SUPT20H: variants seen among roughly 807,000 people sequenced by gnomAD.
The protein encoded by SUPT20H is SPT20 homolog, SAGA complex component.
SUPT20H carries 82 observed loss-of-function variants against 122.8 expected under a neutral mutation model. The observed-to-expected ratio is 0.67, with a 90% CI of 0.56 to 0.80. The LOEUF (loss-of-function observed/expected upper bound fraction) is 0.80, where lower values mean the gene tolerates loss of function less well. Among genes scored for constraint, SUPT20H ranks in the 30% least tolerant of loss-of-function variants. SUPT20H has a pLI of 0.00. For missense variants in SUPT20H, 831 were observed against 921.6 expected, an observed-to-expected ratio of 0.90 and a Z score of 1.27; for synonymous variants, 291 against 313.0, an observed-to-expected ratio of 0.93 and a Z score of 0.74.
intron 10 of SUPT20H, among the ~76,000 whole-genome samples, chr13:37,032,426 T>C (rs1433601601): frequency 1.3e-5 from 2 of 152,176 alleles, no homozygotes; most frequent in Non-Finnish European, 2.9e-5. Context: ...AAATCAACGA[T>C]TCTTCTTAGA....
chr13:37,025,313 AAC>A lies in SUPT20H; in HGVS notation c.1329+5_1329+6del, dbSNP rs1345940296. ...GGGCACAAAGAAGTAACATTAATGA[AAC>A]ACACATCTGTTTCTTTCCCTGGAGA... On this transcript the variant is annotated splice_donor_5th_base_variant and intron_variant, in intron 17 of 25. Coordinates refer to ENST00000350612, the MANE Select transcript of SUPT20H (RefSeq NM_001014286.3). 32 of 1,590,972 alleles carry A rather than the reference AAC, an allele frequency of 2.0e-5. No individual in the cohort carries two copies. The highest frequency in any genetic ancestry group is 2.6e-5 in the Non-Finnish European group (30 of 1,159,142).
chr13:37,045,896 T>C (rs2066326611), intron 5 of SUPT20H, among the ~76,000 whole-genome samples: 1 of 152,088 alleles, frequency 6.6e-6, no homozygotes, highest in Admixed American at 6.6e-5. Flanking sequence ...ATCTAATTGG[T>C]AAGACGAAGT....
Position 37,021,565 on chromosome 13 carries a change from G to T in SUPT20H, c.1699C>A (p.Leu567Met). The change falls in exon 21 of 26, where the codon CTG (leucine) becomes ATG (methionine). Residue 567 changes from leucine to methionine, a missense_variant. Coordinates refer to ENST00000350612, the MANE Select transcript of SUPT20H (RefSeq NM_001014286.3). ...QALMSGSNPM[L>M]GCNTGAITPA... The stretch of plus-strand genomic sequence containing the variant: ...GTTATGGCACCAGTGTTACAGCCCA[G>T]CATGGGGTTTGAACCACTCATCAAA... 6.2e-7 allele frequency: 1 copy of T among 1,613,506 alleles called. No homozygotes were observed.
At position 37,012,181 on chromosome 13, in the gene SUPT20H, A is replaced by G; in HGVS notation, c.2098+11T>C. ...AGTAAATTCAGCATATAAAGTTATG[A>G]AGATACCTACCAGCTGCCTGTGACT... On this transcript the variant is annotated intron_variant, in intron 24 of 25. Transcript: ENST00000350612. The G allele has an allele frequency of 1.3e-6, 2 of 1,598,230 alleles. No homozygotes were observed. Among genetic ancestry groups the G allele is most frequent in the East Asian group, 4.5e-5 (2 of 44,724 alleles).
chr13:37,056,449 G>T (rs1228480875), intron 1 of SUPT20H, among the ~76,000 whole-genome samples: 3 of 152,166 alleles, frequency 2.0e-5, no homozygotes, highest in Non-Finnish European at 4.4e-5. Flanking sequence ...AAAATGATGA[G>T]TTCATGTCCT....
At chr13:37,021,645 G>GA in intron 20 of SUPT20H, 43 bp from the exon 21 acceptor site, 1 of 1,542,712 alleles carries the variant, frequency 6.5e-7, no homozygotes, top group Non-Finnish European at 8.8e-7. Flanking sequence ...ACTGTAAAAG[G>GA]AAAAAATCAG....
chr13:37,033,549 T>C lies in SUPT20H; in HGVS notation c.607A>G (p.Thr203Ala). 1 of 1,613,530 alleles carries C rather than the reference T, an allele frequency of 6.2e-7. No homozygotes were observed. Among genetic ancestry groups the C allele is most frequent in the South Asian group, 1.1e-5 (1 of 90,880 alleles). ...LLLESQLILA[T>A]AEPLCLDPSI... is the part of the protein sequence containing the mutation. ...GGATCAAGACAGAGTGGTTCAGCTG[T>C]AGCTAGGATGAGCTGGCTCTCAAGC... The change falls in exon 10 of 26, where the codon ACA (threonine) becomes GCA (alanine). Residue 203 changes from threonine to alanine, a missense_variant. Thr to Ala is a moderately conservative substitution (Grantham distance 58, BLOSUM62 0). Transcript: ENST00000350612.
rs2066828686 is a variant in SUPT20H at position 37,047,967 on chromosome 13, G to A, written c.40-31C>T. The A allele has an allele frequency of 2.5e-6, 4 of 1,572,714 alleles. No individual in the cohort carries two copies. In the African/African-American group the frequency reaches 5.4e-5, roughly 21 times the overall value. On this transcript the variant is annotated intron_variant, in intron 3 of 25. Coordinates refer to ENST00000350612, the MANE Select transcript of SUPT20H (RefSeq NM_001014286.3). ...AAACAAAAGTTTATGAGAACAGCTT[G>A]CTTTTTGCTTTTGACTATGAACAAC...
chr13:37,019,266 T>C (rs1465762030), intron 22 of SUPT20H, 76 bp downstream of exon 22: 5 of 1,075,268 alleles, frequency 4.7e-6, no homozygotes, highest in Non-Finnish European at 5.4e-6. Flanking sequence ...CAAGTGCTGA[T>C]ACATATAGAT....
At position 37,040,994 on chromosome 13, in the gene SUPT20H, T is replaced by TA. The variant is rs1388966388; in HGVS notation, c.397-303dup. 2.0e-5 allele frequency among the ~76,000 whole-genome samples: 3 copies of TA among 152,240 alleles called. No homozygotes were observed. In the East Asian group the frequency reaches 5.8e-4, roughly 29 times the overall value. ...TTTTGGCATTTACATACTATTATGT[T>TA]ACAGATCCTTGGAACTGCTGTTCTT... On this transcript the variant is annotated intron_variant, in intron 7 of 25. Transcript: ENST00000350612.
At chr13:37,020,704 T>A (rs1457879110) in intron 21 of SUPT20H, among the ~76,000 whole-genome samples, 1 of 152,240 alleles carries the variant, frequency 6.6e-6, no homozygotes, top group African/African-American at 2.4e-5. Flanking sequence ...CTCTTTCTCA[T>A]AACTAAGAAA....
intron 1 of SUPT20H, among the ~76,000 whole-genome samples, chr13:37,058,233 C>T (rs887982838): frequency 7.9e-5 from 12 of 152,064 alleles, no homozygotes; most frequent in African/African-American, 2.7e-4. Flanking sequence ...CCATTGCACT[C>T]CAGCCTGGAC....
intron 2 of SUPT20H, 65 bp from the exon 3 acceptor site, chr13:37,048,664 T>G: frequency 7.1e-7 from 1 of 1,402,286 alleles, no homozygotes; most frequent in Non-Finnish European, 9.8e-7. Flanking sequence ...TAATATACAT[T>G]TAACATTTCT....
intron 1 of SUPT20H, among the ~76,000 whole-genome samples, chr13:37,054,775 G>C (rs964593050): frequency 6.6e-6 from 1 of 152,140 alleles, no homozygotes; most frequent in Non-Finnish European, 1.5e-5. Context: ...AGGGCAATTA[G>C]GCAGGAGAAG....
chr13:37,018,996 A>G (rs560005842), intron 22 of SUPT20H, among the ~76,000 whole-genome samples: 8 of 152,194 alleles, frequency 5.3e-5, no homozygotes, highest in Non-Finnish European at 1.2e-4. Flanking sequence ...AAAAACCAGT[A>G]TTACATATAT....
At chr13:37,009,834 G>A (rs773448527) in intron 25 of SUPT20H, 25 bp from the exon 26 acceptor site, 12 of 1,601,808 alleles carry the variant, frequency 7.5e-6, no homozygotes, top group East Asian at 2.2e-5. Context: ...GAAAAAAATC[G>A]AGTTATGTTA....
At position 37,056,672 on chromosome 13, in the gene SUPT20H, A is replaced by G. The variant is rs1306768307; in HGVS notation, c.-94+2887T>C. On this transcript the variant is annotated intron_variant, in intron 1 of 25. Transcript: ENST00000350612. ...GGAGATATACCTAATGTTAAATGAC[A>G]AGTTAATGGGTGCAGCACACCAACA... Among the ~76,000 whole-genome samples, 4 of 152,028 alleles carry G rather than the reference A, an allele frequency of 2.6e-5. No homozygotes were observed. In the East Asian group the frequency reaches 7.7e-4, roughly 29 times the overall value.
In SUPT20H at chr13:37,041,601, A is replaced by T. The variant is rs555100981; in HGVS notation, c.397-909T>A. Among the ~76,000 whole-genome samples, 772 of 152,096 alleles carry T rather than the reference A, an allele frequency of 5.1e-3. 6 individuals are homozygous for T. The highest frequency in any genetic ancestry group is 0.018 in the African/African-American group (736 of 41,502). On this transcript the variant is annotated intron_variant, in intron 7 of 25. Transcript: ENST00000350612. The stretch of plus-strand genomic sequence containing the variant: ...TATTATCATCGAAGTCTTGCTAGTT[A>T]TGACTTGCCATGGTCACTCATAGTA...
At chr13:37,057,646 C>G (rs1222868806) in intron 1 of SUPT20H, among the ~76,000 whole-genome samples, 2 of 151,912 alleles carry the variant, frequency 1.3e-5, no homozygotes, top group Admixed American at 6.6e-5. Flanking sequence ...AGTTCCAGAC[C>G]TGCCTGAGCA....
Sources: allele counts gnomAD v4.1 joint callset (sites outside exome capture counted in the v4.1 genomes callset), GRCh38; gene constraint gnomAD v4.1.1; transcripts MANE v1.5; gene names NCBI Gene and HGNC (gene_info 2026-07-23, HGNC 2026-07-21).